The following NELL1 variants were observed in gnomAD, a reference collection of about 807,000 sequenced individuals.
NELL1 encodes protein kinase C-binding protein NELL1.
A neutral mutation model predicts 107.4 loss-of-function variants in NELL1; 76 were observed. That is an observed-to-expected ratio of 0.71 (90% CI 0.59 to 0.86). The LOEUF (loss-of-function observed/expected upper bound fraction) is 0.86, where lower values mean the gene tolerates loss of function less well. NELL1 is among the 40% of genes least tolerant of loss of function. NELL1 has a pLI of 0.00. For synonymous variants in NELL1, 353 were observed against 341.2 expected (o/e 1.03, Z -0.38); for missense variants, 1,024 against 1,005.5 (o/e 1.02, Z -0.25).
chr11:20,698,683 T>C (rs1360316468), intron 2 of NELL1, among the ~76,000 whole-genome samples: 1 of 152,106 alleles, frequency 6.6e-6, no homozygotes, highest in Non-Finnish European at 1.5e-5. Flanking sequence ...AACAGGTGGT[T>C]TTTGGTTACA....
chr11:21,351,180 C>T (rs1335573198), intron 14 of NELL1, among the ~76,000 whole-genome samples: 1 of 152,116 alleles, frequency 6.6e-6, no homozygotes, highest in East Asian at 1.9e-4. Context: ...CCACCAGAAG[C>T]TAGGACAGAG....
Position 20,937,804 on chromosome 11 carries a change from G to A in NELL1, c.1016G>A (p.Gly339Glu), listed in dbSNP as rs1282602015. The A allele has an allele frequency of 1.2e-6, 2 of 1,613,936 alleles. No individual in the cohort carries two copies. Among genetic ancestry groups the A allele is most frequent in the African/African-American group, 2.7e-5 (2 of 74,926 alleles). The change falls in exon 10 of 20, where the codon GGA (glycine) becomes GAA (glutamate). Residue 339 changes from glycine (G) to glutamate (E), a missense_variant. Physicochemically the swap from Gly to Glu is moderately conservative, Grantham distance 98. Transcript: ENST00000357134. The stretch of plus-strand genomic sequence containing the variant: ...ATTACAGCAAAATGTATCTATGGAG[G>A]AAAAGTTCTTGCAGAAGGCCAGCGG... The part of the protein sequence containing the change: ...KVCRPKCIYG[G>E]KVLAEGQRIL...
At chr11:20,681,317 C>T (rs889902976) in intron 2 of NELL1, among the ~76,000 whole-genome samples, 1 of 152,090 alleles carries the variant, frequency 6.6e-6, no homozygotes, top group Non-Finnish European at 1.5e-5. Context: ...AATCTCCTCA[C>T]CTAAATATCC....
At chr11:20,689,546 T>C (rs1055604254) in intron 2 of NELL1, among the ~76,000 whole-genome samples, 1 of 149,848 alleles carries the variant, frequency 6.7e-6, no homozygotes, top group Non-Finnish European at 1.5e-5. Context: ...TTTGGTTTTT[T>C]GTCCTTGCGA....
intron 2 of NELL1, among the ~76,000 whole-genome samples, chr11:20,778,389 A>G (rs986307084): frequency 1.1e-4 from 17 of 151,928 alleles, no homozygotes; most frequent in African/African-American, 4.1e-4. Flanking sequence ...TCCTCACTCT[A>G]TACATCAGGG....
intron 2 of NELL1, among the ~76,000 whole-genome samples, chr11:20,738,030 C>T (rs1285155533): frequency 6.9e-6 from 1 of 144,392 alleles, no homozygotes; most frequent in African/African-American, 2.6e-5. Flanking sequence ...GTATAGTATT[C>T]GTTAAGTAAA....
chr11:21,513,440 A>C (rs1243466021), intron 15 of NELL1, among the ~76,000 whole-genome samples: 4 of 152,204 alleles, frequency 2.6e-5, no homozygotes, highest in Non-Finnish European at 4.4e-5. Flanking sequence ...AGAAAAAAAT[A>C]CTTTTGCCAG....
intron 12 of NELL1, among the ~76,000 whole-genome samples, chr11:20,993,892 C>CAA (rs66593988): frequency 5.6e-5 from 7 of 124,868 alleles, no homozygotes; most frequent in South Asian, 2.5e-4. Flanking sequence ...TCTTTGTTGC[C>CAA]AAAAAAAAAA....
At chr11:20,896,024 T>A (rs1849729920) in intron 5 of NELL1, among the ~76,000 whole-genome samples, 1 of 152,078 alleles carries the variant, frequency 6.6e-6, no homozygotes, top group Non-Finnish European at 1.5e-5. Flanking sequence ...GCACAGGTGG[T>A]TTTTTGTTAC....
intron 3 of NELL1, among the ~76,000 whole-genome samples, chr11:20,808,660 G>A (rs1054514627): frequency 6.6e-6 from 1 of 152,216 alleles, no homozygotes; most frequent in Non-Finnish European, 1.5e-5. Context: ...TTAACCCATG[G>A]TGGTGAGGCT....
chr11:20,860,452 C>G (rs951358011), intron 4 of NELL1, among the ~76,000 whole-genome samples: 1 of 152,130 alleles, frequency 6.6e-6, no homozygotes, highest in African/African-American at 2.4e-5. Flanking sequence ...CTCACATTCT[C>G]GATGGCTTCA....
intron 13 of NELL1, among the ~76,000 whole-genome samples, chr11:21,119,101 G>A (rs1004527599): frequency 7.9e-5 from 12 of 152,018 alleles, no homozygotes; most frequent in African/African-American, 2.7e-4. Flanking sequence ...AAACTCAAAT[G>A]TTCATTCACC....
In NELL1 at chr11:20,705,727, C is replaced by A. The variant is rs538664730; in HGVS notation, c.184+27667C>A. 1.6e-3 allele frequency among the ~76,000 whole-genome samples: 232 copies of A among 148,274 alleles called. 1 individual carries two copies. The highest frequency in any genetic ancestry group is 5.2e-3 in the African/African-American group (206 of 39,650). On this transcript the variant is annotated intron_variant, in intron 2 of 19. Coordinates refer to ENST00000357134, the MANE Select transcript of NELL1 (RefSeq NM_006157.5). ...AGAAACTACCATCAGAGTGAACAGG[C>A]AACCTACAGAATGGGAGAAAATTTT...
At chr11:20,908,013 C>T (rs532394824) in intron 5 of NELL1, among the ~76,000 whole-genome samples, 10 of 152,212 alleles carry the variant, frequency 6.6e-5, no homozygotes, top group South Asian at 2.1e-4. Flanking sequence ...TACCATCTTA[C>T]GCCAGTCAGA....
At chr11:20,860,342 A>G (rs1282019764) in intron 4 of NELL1, among the ~76,000 whole-genome samples, 1 of 152,194 alleles carries the variant, frequency 6.6e-6, no homozygotes, top group African/African-American at 2.4e-5. Flanking sequence ...TAGAGCTGCC[A>G]CCTAATAGGT....
chr11:20,971,407 T>C (rs1851498779), intron 12 of NELL1, among the ~76,000 whole-genome samples: 1 of 152,306 alleles, frequency 6.6e-6, no homozygotes, highest in South Asian at 2.1e-4. Context: ...AAGTCCAAGT[T>C]TTAGAGCTTT....
chr11:21,204,683 G>C (rs1236561591), intron 13 of NELL1, among the ~76,000 whole-genome samples: 1 of 152,002 alleles, frequency 6.6e-6, no homozygotes, highest in East Asian at 1.9e-4. Context: ...CTTTGGAGAA[G>C]AAGAGGAGTT....
intron 2 of NELL1, among the ~76,000 whole-genome samples, chr11:20,738,216 A>T (rs1855807206): frequency 6.6e-6 from 1 of 152,134 alleles, no homozygotes; most frequent in Admixed American, 6.5e-5. Flanking sequence ...AGGATACTCC[A>T]AGCCCTGGTG....
chr11:20,862,271 T>C (rs1848991582), intron 4 of NELL1, among the ~76,000 whole-genome samples: 1 of 146,772 alleles, frequency 6.8e-6, no homozygotes, highest in Non-Finnish European at 1.5e-5. Context: ...AATACCAGTA[T>C]CTGGTTATTC....
Sources: allele counts gnomAD v4.1 joint callset (sites outside exome capture counted in the v4.1 genomes callset), GRCh38; gene constraint gnomAD v4.1.1; transcripts MANE v1.5; gene names NCBI Gene and HGNC (gene_info 2026-07-23, HGNC 2026-07-21).